SPOCK3: variants seen among roughly 807,000 people sequenced by gnomAD.
SPOCK3 encodes SPARC (osteonectin), cwcv and kazal like domains proteoglycan 3, also known as testican-3.
In SPOCK3, 30 loss-of-function variants were observed where a neutral mutation model predicts 56.6. That is an observed-to-expected ratio of 0.53 (90% CI 0.40 to 0.72). SPOCK3 has a LOEUF of 0.72. Ranked by LOEUF, SPOCK3 falls within the 30% of genes least tolerant of loss-of-function variation. The pLI, the probability that SPOCK3 is intolerant of heterozygous loss-of-function variation, is 0.00. For missense variants in SPOCK3, 527 were observed against 530.0 expected, an observed-to-expected ratio of 0.99 and a Z score of 0.06; for synonymous variants, 196 against 183.3, an observed-to-expected ratio of 1.07 and a Z score of -0.56.
At chr4:166,753,971 A>T in intron 8 of SPOCK3, 1 of 437,310 alleles carries the variant, frequency 2.3e-6, no homozygotes, top group South Asian at 9.9e-5. Flanking sequence ...CCTTAGTATT[A>T]AGACACTTTT....
intron 3 of SPOCK3, among the ~76,000 whole-genome samples, chr4:167,040,462 A>T (rs1753145641): frequency 6.6e-6 from 1 of 152,210 alleles, no homozygotes; most frequent in Admixed American, 6.5e-5. Context: ...TCATATAAAC[A>T]TGCTGTTAGC....
intron 2 of SPOCK3, among the ~76,000 whole-genome samples, chr4:167,180,306 T>C (rs1731340381): frequency 6.6e-6 from 1 of 152,088 alleles, no homozygotes; most frequent in African/African-American, 2.4e-5. Context: ...TTGAGGATGA[T>C]TCCACTCATA....
At chr4:166,793,702 G>T (rs1173628499) in intron 6 of SPOCK3, among the ~76,000 whole-genome samples, 2 of 152,130 alleles carry the variant, frequency 1.3e-5, no homozygotes, top group African/African-American at 4.8e-5. Flanking sequence ...TTCCATGGGG[G>T]AAGGTAACTA....
At chr4:166,792,729 T>C (rs1241189846) in intron 6 of SPOCK3, among the ~76,000 whole-genome samples, 2 of 152,160 alleles carry the variant, frequency 1.3e-5, no homozygotes, top group Non-Finnish European at 2.9e-5. Context: ...ATACTCAGTA[T>C]ATGTAGGAAT....
At chr4:167,213,986 C>A (rs539709459) in intron 2 of SPOCK3, among the ~76,000 whole-genome samples, 112 of 152,076 alleles carry the variant, frequency 7.4e-4, no homozygotes, top group Non-Finnish European at 1.4e-3. Flanking sequence ...ACACTATAAT[C>A]CTGTACTATA....
At chr4:167,200,033 G>A (rs1733366959) in intron 2 of SPOCK3, among the ~76,000 whole-genome samples, 1 of 151,944 alleles carries the variant, frequency 6.6e-6, no homozygotes, top group Admixed American at 6.6e-5. Context: ...TTACTATATA[G>A]ACAAGAAAGT....
At position 166,817,206 on chromosome 4, in the gene SPOCK3, T is replaced by C. The variant is rs79061764; in HGVS notation, c.590-24917A>G. On this transcript the variant is annotated intron_variant, in intron 6 of 10. Transcript: ENST00000357545. ...GGACAGGTGATACCTGCCTGTATAGTGTGTTGCACTACAGGAAAGGAAACT... is the reference window on the plus strand; with the variant it reads ...GGACAGGTGATACCTGCCTGTATAGCGTGTTGCACTACAGGAAAGGAAACT... 3.1e-3 allele frequency among the ~76,000 whole-genome samples: 477 copies of C among 152,198 alleles called. 2 individuals carry two copies. The highest frequency in any genetic ancestry group is 0.011 in the African/African-American group (461 of 41,552).
In SPOCK3 at chr4:166,954,020, C is replaced by T. The variant is rs561191641; in HGVS notation, c.351-41277G>A. 1.2e-4 allele frequency among the ~76,000 whole-genome samples: 19 copies of T among 152,062 alleles called. 1 individual carries two copies. Among genetic ancestry groups the T allele is most frequent in the African/African-American group, 4.3e-4 (18 of 41,474 alleles). On this transcript the variant is annotated intron_variant, in intron 4 of 10. Coordinates refer to ENST00000357545, the MANE Select transcript of SPOCK3 (RefSeq NM_001040159.2). Reference sequence around the variant, plus strand: ...TAGTGGGTGCAGTGCACTAGCATGGCACATGTATACATATGTAACTAACCT... The same window carrying T: ...TAGTGGGTGCAGTGCACTAGCATGGTACATGTATACATATGTAACTAACCT...
chr4:167,072,500 G>T (rs1245723556), intron 2 of SPOCK3, among the ~76,000 whole-genome samples: 1 of 151,890 alleles, frequency 6.6e-6, no homozygotes, highest in Non-Finnish European at 1.5e-5. Context: ...TTAAAAAAAT[G>T]AGAAAGCAAT....
At chr4:167,025,543 G>T (rs557093295) in intron 3 of SPOCK3, among the ~76,000 whole-genome samples, 4 of 151,782 alleles carry the variant, frequency 2.6e-5, no homozygotes, top group Non-Finnish European at 5.9e-5. Context: ...GATCATCCAG[G>T]GGTTTCTCCT....
At chr4:166,878,601 A>G (rs550743850) in intron 6 of SPOCK3, among the ~76,000 whole-genome samples, 31 of 152,266 alleles carry the variant, frequency 2.0e-4, no homozygotes, top group East Asian at 1.7e-3. Context: ...TAAAAATACA[A>G]TGTCAATTCT....
intron 2 of SPOCK3, among the ~76,000 whole-genome samples, chr4:167,209,033 A>G (rs1734615092): frequency 6.6e-6 from 1 of 152,164 alleles, no homozygotes; most frequent in Non-Finnish European, 1.5e-5. Context: ...GGATGAATAT[A>G]TTATAATTCA....
At chr4:167,021,983 C>A (rs192703453) in intron 3 of SPOCK3, among the ~76,000 whole-genome samples, 5 of 151,976 alleles carry the variant, frequency 3.3e-5, no homozygotes, top group Non-Finnish European at 5.9e-5. Context: ...CTTAGTAATT[C>A]TTTTACTTGT....
At chr4:166,799,450 C>T (rs1006903323) in intron 6 of SPOCK3, among the ~76,000 whole-genome samples, 1 of 152,098 alleles carries the variant, frequency 6.6e-6, no homozygotes, top group East Asian at 1.9e-4. Context: ...TTGCTACAAC[C>T]GAGGAAGACA....
At chr4:167,186,470 T>G (rs1192069270) in intron 2 of SPOCK3, among the ~76,000 whole-genome samples, 1 of 151,030 alleles carries the variant, frequency 6.6e-6, no homozygotes, top group Non-Finnish European at 1.5e-5. Flanking sequence ...CTACTGAAAA[T>G]ACAAAAATTA....
chr4:167,046,623 T>C (rs1400311892), intron 3 of SPOCK3, among the ~76,000 whole-genome samples: 1 of 151,706 alleles, frequency 6.6e-6, no homozygotes, highest in Admixed American at 6.6e-5. Flanking sequence ...ACCCAGTTAA[T>C]TTTTTATGTT....
chr4:166,796,199 G>A (rs1303491511), intron 6 of SPOCK3, among the ~76,000 whole-genome samples: 1 of 152,094 alleles, frequency 6.6e-6, no homozygotes, highest in African/African-American at 2.4e-5. Context: ...GTTATTCTTA[G>A]TAGACTAAAT....
chr4:166,779,388 A>G lies in SPOCK3; in HGVS notation c.709+12782T>C, dbSNP rs1464830986. Among the ~76,000 whole-genome samples the G allele has an allele frequency of 5.9e-5, 9 of 152,314 alleles. No homozygotes were observed. The East Asian group carries it at 9.7e-4, about 16-fold the overall frequency. ...AGCAACTAAGATTGTTAAATTCAATAAGGTAAAAGAAAACATGCTTGTAAT... is the reference window on the plus strand; with the variant it reads ...AGCAACTAAGATTGTTAAATTCAATGAGGTAAAAGAAAACATGCTTGTAAT... On this transcript the variant is annotated intron_variant, in intron 7 of 10. Coordinates refer to ENST00000357545, the MANE Select transcript of SPOCK3 (RefSeq NM_001040159.2).
At chr4:167,094,430 T>C (rs1453167780) in intron 2 of SPOCK3, among the ~76,000 whole-genome samples, 2 of 151,930 alleles carry the variant, frequency 1.3e-5, no homozygotes, top group Non-Finnish European at 2.9e-5. Flanking sequence ...CCTGGCAAAA[T>C]GAAATTTATT....
Sources: gnomAD v4.1 joint callset for allele counts (sites outside exome capture counted in the v4.1 genomes callset) on GRCh38, gnomAD v4.1.1 for gene constraint, MANE v1.5 for transcripts, NCBI Gene and HGNC (gene_info 2026-07-23, HGNC 2026-07-21) for gene names.